PHACTR3: variants seen among roughly 807,000 people sequenced by gnomAD.
The protein encoded by PHACTR3 is phosphatase and actin regulator 3, also known as protein phosphatase 1, regulatory subunit 123.
In PHACTR3, 16 loss-of-function variants were observed where a neutral mutation model predicts 66.8. The observed-to-expected ratio is 0.24, with a 90% CI of 0.16 to 0.36. The LOEUF (loss-of-function observed/expected upper bound fraction) is 0.36, where lower values mean the gene tolerates loss of function less well. Among genes scored for constraint, PHACTR3 ranks in the 10% least tolerant of loss-of-function variants. The pLI, the probability that PHACTR3 is intolerant of heterozygous loss-of-function variation, is 1.00. For missense variants in PHACTR3, 647 were observed against 719.9 expected (o/e 0.90, Z 1.16); for synonymous variants, 323 against 292.1 (o/e 1.11, Z -1.08).
In PHACTR3 at chr20:59,767,298, C is replaced by T; in HGVS notation, c.654C>T (p.Pro218=). The change falls in exon 5 of 13, where the codon CCC becomes CCT. Residue 218 remains proline, a synonymous_variant. Transcript: ENST00000371015. ...GGGCTGACTCCCTGGACAGTCCTCC[C>T]AGACCTCTGGAGAGATCCGTGGGCC... is the stretch of plus-strand genomic sequence containing the variant. ...LAGADSLDSP[P]RPLERSVGQL... The T allele has an allele frequency of 6.2e-7, 1 of 1,614,262 alleles. No homozygotes were observed. Among genetic ancestry groups the T allele is most frequent in the Non-Finnish European group, 8.5e-7 (1 of 1,180,046 alleles).
At chr20:59,742,324 T>C (rs908069768) in intron 1 of PHACTR3, among the ~76,000 whole-genome samples, 1 of 152,198 alleles carries the variant, frequency 6.6e-6, no homozygotes, top group Non-Finnish European at 1.5e-5. Flanking sequence ...TGTAGGTCGG[T>C]ATGAGTCTCT....
intron 1 of PHACTR3, among the ~76,000 whole-genome samples, chr20:59,584,791 C>T (rs940451287): frequency 6.6e-6 from 1 of 152,150 alleles, no homozygotes; most frequent in Non-Finnish European, 1.5e-5. Flanking sequence ...GGCCCAGCAG[C>T]GAGACCTCGT....
At chr20:59,842,389 G>A (rs2059080063) in intron 11 of PHACTR3, among the ~76,000 whole-genome samples, 2 of 152,112 alleles carry the variant, frequency 1.3e-5, no homozygotes, top group African/African-American at 2.4e-5. Flanking sequence ...GCATCAACTT[G>A]GAGAAATGTG....
intron 1 of PHACTR3, among the ~76,000 whole-genome samples, chr20:59,655,259 T>A (rs528528427): frequency 2.5e-3 from 381 of 152,146 alleles, no homozygotes; most frequent in African/African-American, 8.8e-3. Flanking sequence ...CATTATGGTT[T>A]TTAAATTTTT....
chr20:59,584,153 A>T (rs1332419917), intron 1 of PHACTR3, among the ~76,000 whole-genome samples: 1 of 152,204 alleles, frequency 6.6e-6, no homozygotes, highest in African/African-American at 2.4e-5. Flanking sequence ...TCAGTGCCTC[A>T]GTGCCTTGGG....
chr20:59,727,313 A>T (rs2038603036), intron 1 of PHACTR3, among the ~76,000 whole-genome samples: 1 of 152,060 alleles, frequency 6.6e-6, no homozygotes, highest in African/African-American at 2.4e-5. Flanking sequence ...TGGTCTGGAT[A>T]GACTATACTT....
chr20:59,739,333 A>G (rs2039067875), intron 1 of PHACTR3, among the ~76,000 whole-genome samples: 1 of 152,152 alleles, frequency 6.6e-6, no homozygotes, highest in Non-Finnish European at 1.5e-5. Context: ...TAGCACAGTT[A>G]ACACTTGTAT....
intron 1 of PHACTR3, among the ~76,000 whole-genome samples, chr20:59,606,702 G>GA (rs2033682640): frequency 6.6e-6 from 1 of 152,120 alleles, no homozygotes; most frequent in Non-Finnish European, 1.5e-5. Flanking sequence ...TGGAGGACTT[G>GA]GCTTTTTGGC....
chr20:59,648,374 G>A (rs1270938885), intron 1 of PHACTR3, among the ~76,000 whole-genome samples: 1 of 152,222 alleles, frequency 6.6e-6, no homozygotes. Context: ...GAGGTGGTCA[G>A]CTTCTTTAAA....
intron 1 of PHACTR3, among the ~76,000 whole-genome samples, chr20:59,740,898 C>CCAGATT (rs1295584160): frequency 3.9e-5 from 6 of 152,202 alleles, no homozygotes; most frequent in Non-Finnish European, 7.3e-5. Flanking sequence ...TCTGCAGAGC[C>CCAGATT]CAGATTCAGA....
intron 1 of PHACTR3, chr20:59,626,706 C>G (rs763485443): frequency 6.6e-6 from 1 of 152,270 alleles, no homozygotes; most frequent in Non-Finnish European, 1.5e-5. Context: ...CAGAGCTGCC[C>G]GTTGAAGATT....
At chr20:59,767,456 C>A (rs772705951) in intron 5 of PHACTR3, 61 bp downstream of exon 5, 82 of 1,507,516 alleles carry the variant, frequency 5.4e-5, no homozygotes, top group Non-Finnish European at 4.5e-5. Flanking sequence ...ATCCATCTAT[C>A]CTACATTCAT....
intron 1 of PHACTR3, among the ~76,000 whole-genome samples, chr20:59,599,014 CTGAA>C (rs1354985533): frequency 6.6e-6 from 1 of 152,166 alleles, no homozygotes; most frequent in Non-Finnish European, 1.5e-5. Context: ...TTGAAGTTTG[CTGAA>C]TGAGTTATTT....
intron 1 of PHACTR3, among the ~76,000 whole-genome samples, chr20:59,634,226 G>A (rs1045275620): frequency 2.6e-5 from 4 of 152,190 alleles, no homozygotes; most frequent in Admixed American, 6.5e-5. Context: ...CATGAGGGAC[G>A]AAGTGTTGTG....
At chr20:59,700,062 G>A (rs968405510) in intron 1 of PHACTR3, among the ~76,000 whole-genome samples, 4 of 152,174 alleles carry the variant, frequency 2.6e-5, no homozygotes, top group Admixed American at 6.5e-5. Flanking sequence ...ACTGTTACAA[G>A]TTTCTTTTTC....
intron 1 of PHACTR3, among the ~76,000 whole-genome samples, chr20:59,713,730 C>T (rs1297953414): frequency 2.0e-5 from 3 of 150,196 alleles, no homozygotes; most frequent in African/African-American, 4.9e-5. Flanking sequence ...TTCTTGAGCT[C>T]GTTTTTGTCT....
chr20:59,697,186 G>A (rs6027048), intron 1 of PHACTR3, among the ~76,000 whole-genome samples: 5,762 of 152,220 alleles, frequency 0.038, 362 homozygotes, highest in African/African-American at 0.13. Context: ...TAAATCTCCC[G>A]GGTTTGACCA....
chr20:59,839,084 AAGCTGCACTTGGG>A (rs1333884840), intron 9 of PHACTR3, among the ~76,000 whole-genome samples: 1 of 152,038 alleles, frequency 6.6e-6, no homozygotes, highest in South Asian at 2.1e-4. Flanking sequence ...TTTCACATGG[AAGCTGCACTTGGG>A]AGCTGCCCAT....
chr20:59,606,043 T>C (rs1209842936), intron 1 of PHACTR3, among the ~76,000 whole-genome samples: 1 of 152,250 alleles, frequency 6.6e-6, no homozygotes, highest in Admixed American at 6.5e-5. Context: ...GACTCAGTTT[T>C]GTATCTTAGA....
Sources: gnomAD v4.1 joint callset for allele counts (sites outside exome capture counted in the v4.1 genomes callset) on GRCh38, gnomAD v4.1.1 for gene constraint, MANE v1.5 for transcripts, NCBI Gene and HGNC (gene_info 2026-07-23, HGNC 2026-07-21) for gene names.